LAMA5: variants seen among roughly 807,000 people sequenced by gnomAD.
The protein encoded by LAMA5 is laminin subunit alpha-5.
A neutral mutation model predicts 433.4 loss-of-function variants in LAMA5; 260 were observed. The observed-to-expected ratio is 0.60, with a 90% CI of 0.54 to 0.66. The LOEUF (loss-of-function observed/expected upper bound fraction) is 0.66, where lower values mean the gene tolerates loss of function less well. Ranked by LOEUF, LAMA5 falls within the 30% of genes least tolerant of loss-of-function variation. The probability of loss-of-function intolerance (pLI) is 0.00; values close to 1 mark genes in which losing one functional copy is unlikely to be tolerated. For missense variants in LAMA5, 5,378 were observed against 5,258.5 expected (o/e 1.02, Z -0.70); for synonymous variants, 2,620 against 2,226.6 (o/e 1.18, Z -4.97).
At position 62,326,916 on chromosome 20, in the gene LAMA5, C is replaced by T. The variant is rs763196952; in HGVS notation, c.5163G>A (p.Gln1721=). The change falls in exon 39 of 80, where the codon CAG becomes CAA. Residue 1721 remains glutamine, a synonymous_variant. Coordinates refer to ENST00000252999, the MANE Select transcript of LAMA5 (RefSeq NM_005560.6). ...CCATGGGGACAAAGACATCTCCCCG[C>T]TGGGTCTCTGAGTGCAGTTCATAAC... ...TLRYELHSET[Q]RGDVFVPMES... is the part of the protein sequence containing the mutation. 2 of 1,612,436 alleles carry T rather than the reference C, an allele frequency of 1.2e-6. No homozygotes were observed. Among genetic ancestry groups the T allele is most frequent in the South Asian group, 1.1e-5 (1 of 91,010 alleles).
At chr20:62,310,597 T>A in intron 75 of LAMA5, 25 bp from the exon 76 acceptor site, 1 of 1,571,866 alleles carries the variant, frequency 6.4e-7, no homozygotes, top group Non-Finnish European at 8.6e-7. Flanking sequence ...CGGGCAGGGA[T>A]CAGGGCCCAG....
chr20:62,365,847 G>A (rs1216493945), intron 1 of LAMA5, among the ~76,000 whole-genome samples: 1 of 152,148 alleles, frequency 6.6e-6, no homozygotes, highest in East Asian at 1.9e-4. Context: ...GGAGAGAACG[G>A]TGAGCCCAGA....
Position 62,329,021 on chromosome 20 carries a change from C to T in LAMA5, c.4270G>A (p.Ala1424Thr). The part of the protein sequence containing the change: ...SSSSLFCRNA[A>T]ASLSLFYNNG... The stretch of plus-strand genomic sequence containing the variant: ...TTATAGAAGAGGGAGAGGGAAGCAG[C>T]AGCGTTTCGGCAGAACAGGGATGAG... The change falls in exon 34 of 80, where the codon GCT becomes ACT. Residue 1424 changes from alanine to threonine, a missense_variant. Physicochemically the swap from Ala to Thr is moderately conservative, Grantham distance 58. Transcript: ENST00000252999. 9 of 1,612,688 alleles carry T rather than the reference C, an allele frequency of 5.6e-6. No individual in the cohort carries two copies. Among genetic ancestry groups the T allele is most frequent in the Non-Finnish European group, 7.6e-6 (9 of 1,179,870 alleles).
chr20:62,322,776 G>A lies in LAMA5; in HGVS notation c.6065-18C>T, dbSNP rs1978515207. 9.0e-6 allele frequency: 13 copies of A among 1,440,688 alleles called. No homozygotes were observed. The highest frequency in any genetic ancestry group is 1.2e-5 in the Non-Finnish European group (13 of 1,087,580). 89.2% of individuals were successfully genotyped at this position (1,440,688 alleles called of 1,614,324 possible). On this transcript the variant is annotated intron_variant, in intron 45 of 79. Coordinates refer to ENST00000252999, the MANE Select transcript of LAMA5 (RefSeq NM_005560.6). ...GTCGCACCCTGCAGAAGGGGTCCGT[G>A]ACTGCAGCCCTGGGCCCTCTCACCC...
In LAMA5 at chr20:62,312,700, C is replaced by T. The variant is rs764290869; in HGVS notation, c.9159G>A (p.Gln3053=). ...VERATVYSVE[Q]DNDLELADAY... is the part of the protein sequence containing the mutation. ...CGTCGGCCAGCTCCAGATCATTGTC[C>T]TGCTCCACGCTGTACACCGTGGCCC... The change falls in exon 67 of 80, where the codon CAG becomes CAA. Residue 3053 remains glutamine, a synonymous_variant. Transcript: ENST00000252999. The T allele has an allele frequency of 6.2e-7, 1 of 1,605,296 alleles. No homozygotes were observed. The highest frequency in any genetic ancestry group is 8.5e-7 in the Non-Finnish European group (1 of 1,176,812).
At chr20:62,327,167 T>C (rs1979443629) in intron 38 of LAMA5, 66 bp downstream of exon 38, 1 of 1,414,036 alleles carries the variant, frequency 7.1e-7, no homozygotes, top group South Asian at 1.5e-5. Context: ...CGCTCCTGGC[T>C]CCCAACCCTC....
At position 62,327,514 on chromosome 20, in the gene LAMA5, G is replaced by T. The variant is rs2146163074; in HGVS notation, c.4938+15C>A. On this transcript the variant is annotated intron_variant, in intron 37 of 79. Coordinates refer to ENST00000252999, the MANE Select transcript of LAMA5 (RefSeq NM_005560.6). ...CCTCCCCGAGAAGGCAATGCCCTCA[G>T]TCCTGCAGGCGCACCTCCTGGCGGG... 6.2e-7 allele frequency: 1 copy of T among 1,612,828 alleles called. No individual in the cohort carries two copies. The highest frequency in any genetic ancestry group is 1.6e-4 in the Middle Eastern group (1 of 6,062).
chr20:62,334,160 C>G (rs376971628), intron 22 of LAMA5, 26 bp downstream of exon 22: 1 of 1,604,688 alleles, frequency 6.2e-7, no homozygotes, highest in African/African-American at 1.3e-5. Flanking sequence ...CTAGGCTGAG[C>G]CTGGGAGGGG....
chr20:62,328,051 C>CA (rs1568931641), intron 35 of LAMA5, 41 bp from the exon 36 acceptor site: 1 of 1,608,576 alleles, frequency 6.2e-7, no homozygotes, highest in East Asian at 2.2e-5. Flanking sequence ...CACCCCAGGT[C>CA]ACTCACACCA....
chr20:62,326,553 G>C, intron 40 of LAMA5, 124 bp downstream of exon 40: 1 of 735,354 alleles, frequency 1.4e-6, no homozygotes, highest in Non-Finnish European at 2.3e-6. Context: ...CCCCCACCCC[G>C]CTTCTGCTCC....
At chr20:62,366,081 G>GC (rs1440786232) in intron 1 of LAMA5, among the ~76,000 whole-genome samples, 3 of 152,242 alleles carry the variant, frequency 2.0e-5, no homozygotes, top group Admixed American at 1.3e-4. Context: ...GGCCCTCAGG[G>GC]CCCCTAGACT....
chr20:62,344,139 C>T (rs1346567702), intron 11 of LAMA5, among the ~76,000 whole-genome samples: 1 of 90,340 alleles, frequency 1.1e-5, no homozygotes, highest in African/African-American at 3.5e-5. Flanking sequence ...AGCGAAACTC[C>T]ATCTCAAAAA....
chr20:62,333,115 G>A lies in LAMA5; in HGVS notation c.3257C>T (p.Pro1086Leu). 3.4e-6 allele frequency: 5 copies of A among 1,469,198 alleles called. No homozygotes were observed. Among genetic ancestry groups the A allele is most frequent in the Non-Finnish European group, 3.6e-6 (4 of 1,110,032 alleles). 91.0% of individuals were successfully genotyped at this position (1,469,198 alleles called of 1,614,324 possible). Residue 1086 changes from proline (P) to leucine (L), a missense_variant, in exon 26 of 80, where the codon CCA becomes CTA. Pro to Leu is a moderately conservative substitution (Grantham distance 98). Coordinates refer to ENST00000252999, the MANE Select transcript of LAMA5 (RefSeq NM_005560.6). ...PTEQLSPSHP[P>L]LITCTGSDVD... Reference sequence around the variant, plus strand: ...ATCACTGCCCGTGCAGGTGATCAGTGGCGGGTGCGACGGGCTGAGCTGCTC... The same window carrying A: ...ATCACTGCCCGTGCAGGTGATCAGTAGCGGGTGCGACGGGCTGAGCTGCTC...
chr20:62,353,852 C>T (rs1984746830), intron 2 of LAMA5, among the ~76,000 whole-genome samples: 1 of 152,144 alleles, frequency 6.6e-6, no homozygotes, highest in African/African-American at 2.4e-5. Context: ...CAGGGGCCCA[C>T]TGAGCCCCCA....
Position 62,337,659 on chromosome 20 carries a change from G to T in LAMA5, c.2095C>A (p.Arg699=). Residue 699 remains arginine, a synonymous_variant, in exon 16 of 80, where the codon CGG becomes AGG. Transcript: ENST00000252999. ...CACCGCAGCCCCGTCACACGGGGCC[G>T]GCAGCTGCACTGCCCACTCCGGGGG... ...CDPRSGQCSC[R]PRVTGLRCDT... is the part of the protein sequence containing the mutation. 1 of 1,612,318 alleles carries T rather than the reference G, an allele frequency of 6.2e-7. No individual in the cohort carries two copies. Among genetic ancestry groups the T allele is most frequent in the Non-Finnish European group, 8.5e-7 (1 of 1,179,756 alleles).
chr20:62,334,953 C>T, intron 20 of LAMA5, 68 bp downstream of exon 20: 1 of 1,479,668 alleles, frequency 6.8e-7, no homozygotes, highest in Non-Finnish European at 9.4e-7. Flanking sequence ...CCCTCCGGGC[C>T]TTGGGTTCCC....
At position 62,312,245 on chromosome 20, in the gene LAMA5, A is replaced by G; in HGVS notation, c.9432T>C (p.Thr3144=). 1 of 1,611,272 alleles carries G rather than the reference A, an allele frequency of 6.2e-7. No individual in the cohort carries two copies. The highest frequency in any genetic ancestry group is 8.5e-7 in the Non-Finnish European group (1 of 1,179,450). Residue 3144 remains threonine (T), a synonymous_variant, in exon 69 of 80, where the codon ACT becomes ACC. Transcript: ENST00000252999. ...RLALSNVAPL[T]GNVYSGFGFH... is the part of the protein sequence containing the mutation. Reference sequence around the variant, plus strand: ...AGCCGAAGCCGGAGTAGACGTTGCCAGTGAGCGGTGCCACGTTCGAGAGCG... The same window carrying G: ...AGCCGAAGCCGGAGTAGACGTTGCCGGTGAGCGGTGCCACGTTCGAGAGCG...
chr20:62,320,185 G>A (rs1339139074), intron 50 of LAMA5, among the ~76,000 whole-genome samples: 2 of 151,784 alleles, frequency 1.3e-5, no homozygotes, highest in African/African-American at 2.4e-5. Context: ...GGGCGTGGTG[G>A]CGTGTGCCTG....
At chr20:62,349,513 A>C (rs1472087692) in intron 6 of LAMA5, among the ~76,000 whole-genome samples, 1 of 150,252 alleles carries the variant, frequency 6.7e-6, no homozygotes, top group African/African-American at 2.5e-5. Context: ...ATCAACCACG[A>C]ATCCTACAGT....
Sources: allele counts gnomAD v4.1 joint callset (sites outside exome capture counted in the v4.1 genomes callset), GRCh38; gene constraint gnomAD v4.1.1; transcripts MANE v1.5; gene names NCBI Gene and HGNC (gene_info 2026-07-23, HGNC 2026-07-21).